GNAL: variants seen among roughly 807,000 people sequenced by gnomAD.
The protein encoded by GNAL is G protein subunit alpha L.
In GNAL, 18 loss-of-function variants were observed where a neutral mutation model predicts 55.1. That is an observed-to-expected ratio of 0.33 (90% CI 0.23 to 0.48). The LOEUF (loss-of-function observed/expected upper bound fraction) is 0.48. Ranked by LOEUF, GNAL falls within the 20% of genes least tolerant of loss-of-function variation. The pLI is 0.99. For synonymous variants in GNAL, 253 were observed against 237.0 expected, an observed-to-expected ratio of 1.07 and a Z score of -0.62; for missense variants, 412 against 614.1, an observed-to-expected ratio of 0.67 and a Z score of 3.48.
At chr18:11,782,884 A>G (rs1259874060) in intron 4 of GNAL, among the ~76,000 whole-genome samples, 4 of 152,224 alleles carry the variant, frequency 2.6e-5, no homozygotes, top group African/African-American at 9.6e-5. Flanking sequence ...ATAATGCATG[A>G]TAAAGAGAAT....
rs765918341 is a variant in GNAL, at chr18:11,884,424, A to G, written c.*3289A>G. On this transcript the variant is annotated 3_prime_UTR_variant, in exon 12 of 12. Transcript: ENST00000334049. Reference sequence around the variant, plus strand: ...AAAGTTCCATTTCTTGGGCTTTGATATTTATAATGGCGCCTGCTCTTCATC... The same window carrying G: ...AAAGTTCCATTTCTTGGGCTTTGATGTTTATAATGGCGCCTGCTCTTCATC... 5.0e-6 allele frequency: 8 copies of G among 1,607,956 alleles called. 1 individual carries two copies. In the Middle Eastern group the frequency reaches 1.3e-3, roughly 271 times the overall value.
chr18:11,727,471 C>T (rs2032240114), intron 1 of GNAL, among the ~76,000 whole-genome samples: 1 of 152,224 alleles, frequency 6.6e-6, no homozygotes, highest in South Asian at 2.1e-4. Flanking sequence ...TGGTGGTGCC[C>T]ACCTGTGGTC....
chr18:11,844,048 A>G (rs1260803618), intron 5 of GNAL, among the ~76,000 whole-genome samples: 2 of 152,260 alleles, frequency 1.3e-5, no homozygotes, highest in Non-Finnish European at 2.9e-5. Context: ...AGAAATGGCC[A>G]AGATTAGCCT....
intron 1 of GNAL, among the ~76,000 whole-genome samples, chr18:11,742,300 TG>T (rs2032594020): frequency 6.6e-6 from 1 of 152,226 alleles, no homozygotes; most frequent in African/African-American, 2.4e-5. Flanking sequence ...TGCTGCCTCA[TG>T]GAGAGGGATA....
chr18:11,792,170 TTCC>T (rs2034256756), intron 4 of GNAL, among the ~76,000 whole-genome samples: 1 of 152,004 alleles, frequency 6.6e-6, no homozygotes, highest in African/African-American at 2.4e-5. Context: ...TATTGTTTCC[TTCC>T]TCCCTCCCTC....
chr18:11,700,435 G>T (rs1172446987), intron 1 of GNAL, among the ~76,000 whole-genome samples: 2 of 152,350 alleles, frequency 1.3e-5, no homozygotes, highest in Admixed American at 6.5e-5. Flanking sequence ...CAGGCCATGT[G>T]TCCCATCCTG....
Position 11,860,017 on chromosome 18 carries a change from G to C in GNAL, c.723-2378G>C, listed in dbSNP as rs115470095. On this transcript the variant is annotated intron_variant, in intron 5 of 11. Transcript: ENST00000334049. ...CCCACCTCCACCTCCCAAAGTGCTGGGATTAAAGGCGTGCACCACTGCACC... is the reference window on the plus strand; with the variant it reads ...CCCACCTCCACCTCCCAAAGTGCTGCGATTAAAGGCGTGCACCACTGCACC... 7.4e-3 allele frequency among the ~76,000 whole-genome samples: 1,127 copies of C among 152,214 alleles called. 15 individuals carry two copies. Among genetic ancestry groups the C allele is most frequent in the African/African-American group, 0.025 (1,055 of 41,544 alleles).
At chr18:11,818,537 T>G (rs549771764) in intron 4 of GNAL, among the ~76,000 whole-genome samples, 1 of 152,202 alleles carries the variant, frequency 6.6e-6, no homozygotes, top group Non-Finnish European at 1.5e-5. Context: ...TGTGTGTGCT[T>G]CCACTTGGTC....
chr18:11,861,373 C>T (rs1462034587), intron 5 of GNAL, among the ~76,000 whole-genome samples: 2 of 152,136 alleles, frequency 1.3e-5, no homozygotes, highest in Non-Finnish European at 2.9e-5. Flanking sequence ...CCCAGCCTCT[C>T]AGCCCTCAAT....
Position 11,689,409 on chromosome 18 carries a change from G to A in GNAL, c.-155G>A. The stretch of plus-strand genomic sequence containing the variant: ...CCCCGGCCTGCCGCACCCCCTTCCC[G>A]CAGCTGGCGGCCGGCAGCGCCGAAC... On this transcript the variant is annotated 5_prime_UTR_variant, in exon 1 of 12. Coordinates refer to ENST00000334049, the MANE Select transcript of GNAL (RefSeq NM_182978.4). 1 of 365,008 alleles carries A rather than the reference G, an allele frequency of 2.7e-6. No individual in the cohort carries two copies. The highest frequency in any genetic ancestry group is 4.1e-5 in the East Asian group (1 of 24,196). The allele number at this position is 365,008 out of a possible 1,614,324, so 22.6% of individuals were successfully genotyped here. A position where few individuals can be genotyped will look rare whatever the true frequency, so the allele number is the denominator to read the frequency against.
At position 11,819,804 on chromosome 18, in the gene GNAL, G is replaced by A. The variant is rs562401145; in HGVS notation, c.625-5114G>A. Among the ~76,000 whole-genome samples, 35 of 151,764 alleles carry A rather than the reference G, an allele frequency of 2.3e-4. No individual in the cohort carries two copies. The South Asian group carries it at 3.3e-3, about 14-fold the overall frequency. On this transcript the variant is annotated intron_variant, in intron 4 of 11. Transcript: ENST00000334049. Reference sequence around the variant, plus strand: ...AATTATTCTTCATATTAATTTCTCCGTTGTTTTTTAAAATGTATGAGATCT... The same window carrying A: ...AATTATTCTTCATATTAATTTCTCCATTGTTTTTTAAAATGTATGAGATCT...
At chr18:11,826,149 A>T (rs141346378) in intron 5 of GNAL, among the ~76,000 whole-genome samples, 1 of 152,024 alleles carries the variant, frequency 6.6e-6, no homozygotes. Flanking sequence ...ACTAGGTTCT[A>T]CTTCCACTCA....
intron 4 of GNAL, among the ~76,000 whole-genome samples, chr18:11,822,113 C>A (rs2035110446): frequency 6.6e-6 from 1 of 152,210 alleles, no homozygotes; most frequent in African/African-American, 2.4e-5. Context: ...GAGGGCGGCT[C>A]CGGAGAGGCC....
rs1307923179 is a variant in GNAL, at chr18:11,751,274, C to T, written c.377-1579C>T. Among the ~76,000 whole-genome samples, 2 of 152,108 alleles carry T rather than the reference C, an allele frequency of 1.3e-5. No homozygotes were observed. The highest frequency in any genetic ancestry group is 1.5e-5 in the Non-Finnish European group (1 of 68,012). ...CAAACGCCAAGCTGCCGGCTCTGGC[C>T]CTATTGGAGGGGTCTCAGTAACGGA... is the stretch of plus-strand genomic sequence containing the variant. On this transcript the variant is annotated intron_variant, in intron 1 of 11. Coordinates refer to ENST00000334049, the MANE Select transcript of GNAL (RefSeq NM_182978.4). This position sits in a 1 kb window ranked among gnomAD's most constrained non-coding sequence, Gnocchi z 4.5.
chr18:11,837,311 AT>A (rs1374404826), intron 5 of GNAL, among the ~76,000 whole-genome samples: 7 of 152,298 alleles, frequency 4.6e-5, no homozygotes, highest in Admixed American at 4.6e-4. Context: ...AGAGGTCCTT[AT>A]GATTCAAGAA....
chr18:11,794,739 T>G (rs190530929), intron 4 of GNAL, among the ~76,000 whole-genome samples: 1,567 of 141,476 alleles, frequency 0.011, 16 homozygotes, highest in Non-Finnish European at 0.015. Context: ...GAATTTCACT[T>G]CAATTAAAAA....
Position 11,864,679 on chromosome 18 carries a change from A to C in GNAL, c.851+73A>C, listed in dbSNP as rs138151459. On this transcript the variant is annotated intron_variant, in intron 7 of 11. Coordinates refer to ENST00000334049, the MANE Select transcript of GNAL (RefSeq NM_182978.4). ...CAGAGCCGAAGGGCTGTGAGGTTTA[A>C]GGGGGCTTCATTCCTGAATGTGCAT... The C allele has an allele frequency of 0.027, 22,642 of 845,744 alleles. 419 individuals carry two copies. The highest frequency in any genetic ancestry group is 0.048 in the Middle Eastern group (176 of 3,692). The allele number at this position is 845,744 out of a possible 1,614,324, so 52.4% of individuals were successfully genotyped here.
chr18:11,700,553 C>G (rs1455184700), intron 1 of GNAL, among the ~76,000 whole-genome samples: 2 of 152,204 alleles, frequency 1.3e-5, no homozygotes, highest in Non-Finnish European at 2.9e-5. Context: ...GGGAAGCCAC[C>G]CATCAAAATC....
intron 1 of GNAL, among the ~76,000 whole-genome samples, chr18:11,726,011 C>T (rs1310298919): frequency 6.6e-6 from 1 of 152,226 alleles, no homozygotes; most frequent in African/African-American, 2.4e-5. Context: ...TTTGAAAAGA[C>T]TATCCTTTCT....
Sources: allele counts gnomAD v4.1 joint callset (sites outside exome capture counted in the v4.1 genomes callset), GRCh38; gene constraint gnomAD v4.1.1; non-coding constraint Gnocchi (gnomAD v3.1); transcripts MANE v1.5; gene names NCBI Gene and HGNC (gene_info 2026-07-23, HGNC 2026-07-21).